MTBP: variants seen among roughly 807,000 people sequenced by gnomAD.
The protein encoded by MTBP is mdm2-binding protein.
In MTBP, 101 loss-of-function variants were observed where a neutral mutation model predicts 117.0. The ratio of observed to expected loss-of-function variants is 0.86; its 90% CI spans 0.73 to 1.02. The LOEUF is 1.02. Among genes scored for constraint, MTBP ranks in the 50% least tolerant of loss-of-function variants. The pLI is 0.00. For synonymous variants in MTBP, 350 were observed against 351.5 expected (o/e 1.00, Z 0.05); for missense variants, 970 against 1,030.9 (o/e 0.94, Z 0.81).
In MTBP at chr8:120,515,955, A is replaced by T; in HGVS notation, c.2010A>T (p.Glu670Asp). The T allele has an allele frequency of 6.2e-7, 1 of 1,612,664 alleles. No individual in the cohort carries two copies. Among genetic ancestry groups the T allele is most frequent in the South Asian group, 1.1e-5 (1 of 91,008 alleles). The change falls in exon 18 of 22, where the codon GAA (glutamate) becomes GAT (aspartate). Residue 670 changes from glutamate (E) to aspartate (D), a missense_variant. Physicochemically the swap from Glu to Asp is conservative, Grantham distance 45 (BLOSUM62 2). Transcript: ENST00000305949. Reference protein sequence around the residue: ...EYCLDDRKALERDGGFSELQS... With the variant: ...EYCLDDRKALDRDGGFSELQS... ...GCTTGGATGACCGAAAAGCTTTGGA[A>T]AGAGATGGAGGATTTTCTGAACTTC...
chr8:120,505,105 G>A (rs1366233590), intron 15 of MTBP, among the ~76,000 whole-genome samples: 1 of 151,826 alleles, frequency 6.6e-6, no homozygotes, highest in Non-Finnish European at 1.5e-5. Flanking sequence ...TCCAGTGTCT[G>A]GTTGTCCTTG....
intron 7 of MTBP, among the ~76,000 whole-genome samples, chr8:120,456,874 G>A (rs943912130): frequency 1.3e-5 from 2 of 152,132 alleles, no homozygotes; most frequent in African/African-American, 4.8e-5. Context: ...CACTTTATAT[G>A]TGAGTAGTTC....
intron 2 of MTBP, among the ~76,000 whole-genome samples, chr8:120,448,578 C>T (rs759051421): frequency 1.3e-5 from 2 of 152,186 alleles, no homozygotes; most frequent in Non-Finnish European, 2.9e-5. Context: ...CAATCAATGA[C>T]GTACTTTAAA....
intron 7 of MTBP, among the ~76,000 whole-genome samples, chr8:120,457,662 C>T (rs972582486): frequency 6.6e-6 from 1 of 152,112 alleles, no homozygotes; most frequent in African/African-American, 2.4e-5. Context: ...GGGTGGCTCA[C>T]GCCTATAATC....
intron 13 of MTBP, among the ~76,000 whole-genome samples, chr8:120,492,532 A>G (rs1814367039): frequency 6.6e-6 from 1 of 152,224 alleles, no homozygotes; most frequent in Non-Finnish European, 1.5e-5. Context: ...CAATATCCAT[A>G]CAGAGATTAT....
chr8:120,448,617 G>A (rs767099999), intron 2 of MTBP, among the ~76,000 whole-genome samples: 20 of 152,190 alleles, frequency 1.3e-4, no homozygotes, highest in Non-Finnish European at 1.9e-4. Context: ...TACTGATCAT[G>A]ACACACATCT....
At chr8:120,499,691 T>C (rs552305291) in intron 14 of MTBP, among the ~76,000 whole-genome samples, 1 of 150,828 alleles carries the variant, frequency 6.6e-6, no homozygotes, top group Non-Finnish European at 1.5e-5. Flanking sequence ...TTTAATCTGC[T>C]TATTTTTTGG....
chr8:120,452,650 G>A (rs745795757), intron 4 of MTBP: 2 of 152,052 alleles, frequency 1.3e-5, no homozygotes, highest in Non-Finnish European at 2.9e-5. Context: ...CTAACATGGT[G>A]AAACCCCTTT....
intron 11 of MTBP, among the ~76,000 whole-genome samples, chr8:120,478,612 A>G (rs1258178363): frequency 6.6e-6 from 1 of 152,212 alleles, no homozygotes; most frequent in African/African-American, 2.4e-5. Context: ...AGAAAATCAT[A>G]TCTGATTGTT....
At chr8:120,471,175 A>C (rs1250896433) in intron 11 of MTBP, 1 of 345,644 alleles carries the variant, frequency 2.9e-6, no homozygotes, top group East Asian at 5.3e-5. Context: ...GGTTCATTAG[A>C]TAGCTAATTA....
intron 2 of MTBP, among the ~76,000 whole-genome samples, chr8:120,447,901 T>A (rs1368572407): frequency 6.6e-6 from 1 of 151,312 alleles, no homozygotes; most frequent in Non-Finnish European, 1.5e-5. Context: ...TCCAGTTGTA[T>A]CAACTTCCAA....
intron 11 of MTBP, among the ~76,000 whole-genome samples, chr8:120,482,055 G>A (rs1425028932): frequency 6.6e-6 from 1 of 152,134 alleles, no homozygotes; most frequent in Non-Finnish European, 1.5e-5. Context: ...CACCTTGACA[G>A]TTATTTAAAA....
intron 4 of MTBP, among the ~76,000 whole-genome samples, chr8:120,453,205 C>A (rs1813395053): frequency 6.6e-6 from 1 of 152,086 alleles, no homozygotes; most frequent in Admixed American, 6.5e-5. Context: ...AATGCCAGCA[C>A]TTTGGGAGGC....
rs752503314 is a variant in MTBP, at chr8:120,488,199, T to C, written c.1206T>C (p.Tyr402=). Residue 402 remains tyrosine (Y), a synonymous_variant, in exon 12 of 22, where the codon TAT becomes TAC. Coordinates refer to ENST00000305949, the MANE Select transcript of MTBP (RefSeq NM_022045.5). The stretch of plus-strand genomic sequence containing the variant: ...TGAAAGGAGAGTGTTCTAGCTATTA[T>C]CTCTTGTTACAAGGTAATGGCAATA... ...VEVKGECSSY[Y]LLLQGNGNRR... The C allele has an allele frequency of 3.1e-6, 5 of 1,592,592 alleles. No individual in the cohort carries two copies. The highest frequency in any genetic ancestry group is 4.3e-6 in the Non-Finnish European group (5 of 1,172,812).
intron 17 of MTBP, among the ~76,000 whole-genome samples, chr8:120,510,745 A>T (rs1814786864): frequency 6.6e-6 from 1 of 152,002 alleles, no homozygotes. Flanking sequence ...CTACAAAAAA[A>T]ATATAAAAAT....
At chr8:120,508,701 T>C (rs1170524419) in intron 16 of MTBP, among the ~76,000 whole-genome samples, 1 of 150,632 alleles carries the variant, frequency 6.6e-6, no homozygotes, top group Non-Finnish European at 1.5e-5. Flanking sequence ...CTTAGTACTC[T>C]ACTATTTACT....
At chr8:120,504,484 A>G (rs907555609) in intron 15 of MTBP, among the ~76,000 whole-genome samples, 1 of 152,074 alleles carries the variant, frequency 6.6e-6, no homozygotes, top group Non-Finnish European at 1.5e-5. Flanking sequence ...TTAGTTCTGT[A>G]TTTTCTTGGA....
At chr8:120,495,689 G>A (rs1260799736) in intron 13 of MTBP, among the ~76,000 whole-genome samples, 1 of 151,566 alleles carries the variant, frequency 6.6e-6, no homozygotes, top group East Asian at 1.9e-4. Context: ...TTATTTTACA[G>A]CTCTTCTATG....
intron 11 of MTBP, among the ~76,000 whole-genome samples, chr8:120,480,498 G>T (rs931421836): frequency 1.3e-5 from 2 of 152,068 alleles, no homozygotes; most frequent in African/African-American, 4.8e-5. Flanking sequence ...TTTTGAAAAG[G>T]AAAAACAACA....
Sources: gnomAD v4.1 joint callset for allele counts (sites outside exome capture counted in the v4.1 genomes callset) on GRCh38, gnomAD v4.1.1 for gene constraint, MANE v1.5 for transcripts, NCBI Gene and HGNC (gene_info 2026-07-23, HGNC 2026-07-21) for gene names.